The following PPP2R2B variants were observed in gnomAD, a reference collection of about 807,000 sequenced individuals.
PPP2R2B encodes the protein protein phosphatase 2 regulatory subunit Bbeta.
In PPP2R2B, 5 loss-of-function variants were observed where a neutral mutation model predicts 46.0. The observed-to-expected ratio is 0.11, with a 90% CI of 0.06 to 0.23. PPP2R2B has a LOEUF of 0.23. PPP2R2B is among the 10% of genes least tolerant of loss of function. The pLI, the probability that PPP2R2B is intolerant of heterozygous loss-of-function variation, is 1.00. For missense variants in PPP2R2B, 367 were observed against 575.0 expected (o/e 0.64, Z 3.70); for synonymous variants, 215 against 206.7 (o/e 1.04, Z -0.34).
chr5:146,789,153 C>A (rs530513919), intron 2 of PPP2R2B, among the ~76,000 whole-genome samples: 1 of 152,150 alleles, frequency 6.6e-6, no homozygotes, highest in Admixed American at 6.5e-5. Flanking sequence ...AGGGTGGAAT[C>A]CGAGGGCAAC....
At chr5:146,864,415 AAAAAAAAG>A in intron 2 of PPP2R2B, among the ~76,000 whole-genome samples, 2 of 150,650 alleles carry the variant, frequency 1.3e-5, no homozygotes, top group African/African-American at 4.9e-5. Context: ...AAAAAAAAAA[AAAAAAAAG>A]CACAGCTTTC....
intron 2 of PPP2R2B, among the ~76,000 whole-genome samples, chr5:146,843,785 A>G (rs1255358885): frequency 6.6e-6 from 1 of 152,044 alleles, no homozygotes; most frequent in Non-Finnish European, 1.5e-5. Context: ...TGAACTCATC[A>G]TTTTTTATGG....
chr5:146,739,165 G>T (rs1197273242), intron 2 of PPP2R2B, among the ~76,000 whole-genome samples: 1 of 152,044 alleles, frequency 6.6e-6, no homozygotes, highest in Non-Finnish European at 1.5e-5. Context: ...AGGACTACAG[G>T]TATACACCAC....
intron 6 of PPP2R2B, among the ~76,000 whole-genome samples, chr5:146,640,400 G>A (rs1381453222): frequency 6.6e-6 from 1 of 152,230 alleles, no homozygotes; most frequent in Non-Finnish European, 1.5e-5. Context: ...AGCATCACAT[G>A]CTGTGGAGCA....
intron 2 of PPP2R2B, among the ~76,000 whole-genome samples, chr5:147,078,310 G>A (rs1459979449): frequency 1.3e-5 from 2 of 152,082 alleles, no homozygotes; most frequent in Admixed American, 6.6e-5. Flanking sequence ...TAATAAACCT[G>A]CAACTGGTAA....
intron 8 of PPP2R2B, among the ~76,000 whole-genome samples, chr5:146,597,122 CCTT>C (rs975589962): frequency 6.6e-6 from 1 of 152,206 alleles, no homozygotes; most frequent in African/African-American, 2.4e-5. Context: ...TGCTACCTGT[CCTT>C]CTTTCAGCCA....
At chr5:146,847,306 A>C (rs1224926234) in intron 2 of PPP2R2B, among the ~76,000 whole-genome samples, 1 of 152,144 alleles carries the variant, frequency 6.6e-6, no homozygotes, top group Non-Finnish European at 1.5e-5. Context: ...TAATAGACTT[A>C]CTTCCTCCTC....
At chr5:146,975,747 C>T (rs1018313444) in intron 1 of PPP2R2B, among the ~76,000 whole-genome samples, 8 of 152,112 alleles carry the variant, frequency 5.3e-5, no homozygotes, top group African/African-American at 1.9e-4. Context: ...GATGTTGAAC[C>T]TCTTTTCCTA....
chr5:146,900,253 G>A (rs952816716), intron 1 of PPP2R2B, among the ~76,000 whole-genome samples: 1 of 152,150 alleles, frequency 6.6e-6, no homozygotes, highest in African/African-American at 2.4e-5. Context: ...GCCACAGTCA[G>A]AAAACATACC....
intron 2 of PPP2R2B, among the ~76,000 whole-genome samples, chr5:146,841,954 T>G (rs1458249200): frequency 6.6e-6 from 1 of 152,056 alleles, no homozygotes. Flanking sequence ...AAAAAAGAGA[T>G]TTGATATCAG....
intron 1 of PPP2R2B, among the ~76,000 whole-genome samples, chr5:147,038,367 G>A (rs1318227161): frequency 6.6e-6 from 1 of 151,972 alleles, no homozygotes; most frequent in Admixed American, 6.6e-5. Flanking sequence ...TGTCCCCTGG[G>A]GATTGAATTC....
intron 5 of PPP2R2B, among the ~76,000 whole-genome samples, chr5:146,673,423 A>G (rs967196256): frequency 6.6e-6 from 1 of 152,202 alleles, no homozygotes; most frequent in Non-Finnish European, 1.5e-5. Flanking sequence ...AAAGGAGAAA[A>G]TATCAACAGA....
At chr5:146,846,970 A>G (rs1240985614) in intron 2 of PPP2R2B, among the ~76,000 whole-genome samples, 1 of 152,234 alleles carries the variant, frequency 6.6e-6, no homozygotes, top group Admixed American at 6.5e-5. Context: ...ATCTTAGAAC[A>G]TTGTTCAAGT....
chr5:146,606,296 G>A (rs1337819734), intron 7 of PPP2R2B, among the ~76,000 whole-genome samples: 2 of 152,130 alleles, frequency 1.3e-5, no homozygotes, highest in Admixed American at 6.5e-5. Flanking sequence ...TCATGCCCAT[G>A]TAGAGGGGTT....
chr5:146,601,510 C>T (rs1266631170), intron 7 of PPP2R2B, among the ~76,000 whole-genome samples: 1 of 152,108 alleles, frequency 6.6e-6, no homozygotes, highest in East Asian at 1.9e-4. Flanking sequence ...TGGGCCACTG[C>T]ACCCCAGCCT....
intron 5 of PPP2R2B, among the ~76,000 whole-genome samples, chr5:146,660,120 G>T (rs1352417558): frequency 2.0e-5 from 3 of 152,134 alleles, no homozygotes; most frequent in African/African-American, 7.2e-5. Flanking sequence ...GAACAATATG[G>T]ACGCTCATCC....
intron 2 of PPP2R2B, among the ~76,000 whole-genome samples, chr5:146,788,838 G>C (rs1756011398): frequency 6.6e-6 from 1 of 152,088 alleles, no homozygotes; most frequent in Non-Finnish European, 1.5e-5. Flanking sequence ...TCTGCCTTGG[G>C]GTTTTGACTC....
chr5:147,035,355 C>T lies in PPP2R2B; in HGVS notation c.79+20310G>A, dbSNP rs1016100922. The stretch of plus-strand genomic sequence containing the variant: ...AGAACAGCAAGGGGGAAGGCCTCCC[C>T]CATGATCCAATCACCTCCCCCGAGT... On this transcript the variant is annotated intron_variant, in intron 1 of 8. Transcript: ENST00000336640. The T allele has an allele frequency of 1.4e-5, 4 of 283,914 alleles. No individual in the cohort carries two copies. In the Admixed American group the frequency reaches 1.5e-4, roughly 11 times the overall value. 17.6% of individuals were successfully genotyped at this position (283,914 alleles called of 1,614,324 possible).
intron 2 of PPP2R2B, among the ~76,000 whole-genome samples, chr5:146,807,863 G>T (rs377338411): frequency 7.7e-6 from 1 of 130,318 alleles, no homozygotes; most frequent in Non-Finnish European, 1.6e-5. Context: ...GCAATGGCAC[G>T]ATCTCAGCTC....
Sources: gnomAD v4.1 joint callset for allele counts (sites outside exome capture counted in the v4.1 genomes callset) on GRCh38, gnomAD v4.1.1 for gene constraint, MANE v1.5 for transcripts, NCBI Gene and HGNC (gene_info 2026-07-23, HGNC 2026-07-21) for gene names.